Variants in STARD13 observed in about 807,000 individuals in gnomAD.
STARD13 encodes stAR-related lipid transfer protein 13.
A neutral mutation model predicts 106.4 loss-of-function variants in STARD13; 62 were observed. The ratio of observed to expected loss-of-function variants is 0.58; its 90% confidence interval spans 0.48 to 0.72. The LOEUF (loss-of-function observed/expected upper bound fraction) is 0.72, where lower values mean the gene tolerates loss of function less well. Among genes scored for constraint, STARD13 ranks in the 30% least tolerant of loss-of-function variants. The pLI, the probability that STARD13 is intolerant of heterozygous loss-of-function variation, is 0.00. For synonymous variants in STARD13, 565 were observed against 553.0 expected, an observed-to-expected ratio of 1.02 and a Z score of -0.31; for missense variants, 1,387 against 1,424.0, an observed-to-expected ratio of 0.97 and a Z score of 0.42.
In STARD13 at chr13:33,118,141, C is replaced by T. The variant is rs775072659; in HGVS notation, c.2205G>A (p.Val735=). 4.3e-6 allele frequency: 7 copies of T among 1,614,218 alleles called. No individual in the cohort carries two copies. In the Middle Eastern group the frequency reaches 4.9e-4, roughly 114 times the overall value. The part of the protein sequence containing the change: ...DQSAYDVADM[V]KQFFRDLPEP... ...CAGGGAGGTCCCGGAAGAACTGTTT[C>T]ACCATATCCGCCACATCATAAGCAG... The change falls in exon 8 of 14, where the codon GTG becomes GTA. Residue 735 remains valine, a synonymous_variant. Coordinates refer to ENST00000336934, the MANE Select transcript of STARD13 (RefSeq NM_178006.4).
At chr13:33,148,643 C>T (rs950606766) in intron 3 of STARD13, among the ~76,000 whole-genome samples, 1 of 152,140 alleles carries the variant, frequency 6.6e-6, no homozygotes, top group African/African-American at 2.4e-5. Context: ...AATGGTATGG[C>T]CACATTGGAA....
At chr13:33,543,273 C>T in the STARD13 span, among the ~76,000 whole-genome samples, 2 of 152,068 alleles carry the variant, frequency 1.3e-5, no homozygotes, top group African/African-American at 4.8e-5. Context: ...TATTAAAGCG[C>T]TGTTGTAAAA....
chr13:33,491,632 C>T, the STARD13 span, among the ~76,000 whole-genome samples: 1 of 152,068 alleles, frequency 6.6e-6, no homozygotes, highest in Non-Finnish European at 1.5e-5. Flanking sequence ...AACCACTTCT[C>T]ATAAAAAAAT....
intron 3 of STARD13, among the ~76,000 whole-genome samples, chr13:33,146,659 C>T (rs1295284902): frequency 6.6e-6 from 1 of 152,016 alleles, no homozygotes. Context: ...AAGTGAAAAC[C>T]TCCAAAACCC....
intron 6 of STARD13, 118 bp from the exon 7 acceptor site, chr13:33,126,358 G>A: frequency 1.1e-6 from 1 of 937,274 alleles, no homozygotes; most frequent in Non-Finnish European, 1.7e-6. Flanking sequence ...GATGCGGGGT[G>A]AATTCAACAT....
chr13:33,470,963 A>G, the STARD13 span, among the ~76,000 whole-genome samples: 2 of 152,106 alleles, frequency 1.3e-5, no homozygotes, highest in Non-Finnish European at 2.9e-5. Context: ...TTTTGTTGCC[A>G]TTGCTTTTGG....
At chr13:33,405,818 G>T in the STARD13 span, among the ~76,000 whole-genome samples, 1 of 152,118 alleles carries the variant, frequency 6.6e-6, no homozygotes, top group African/African-American at 2.4e-5. Context: ...TATCCCAACC[G>T]TAAACTCCAC....
the STARD13 span, among the ~76,000 whole-genome samples, chr13:33,397,208 T>C: frequency 3.3e-5 from 5 of 152,218 alleles, no homozygotes; most frequent in South Asian, 2.1e-4. Context: ...TAAACAGACA[T>C]TGACTGCATT....
At chr13:33,231,316 C>A (rs1888908414) in intron 1 of STARD13, among the ~76,000 whole-genome samples, 1 of 152,152 alleles carries the variant, frequency 6.6e-6, no homozygotes, top group South Asian at 2.1e-4. Context: ...TCTCACTGTG[C>A]CATACATTGC....
At chr13:33,657,905 T>C in the STARD13 span, among the ~76,000 whole-genome samples, 1,666 of 152,360 alleles carry the variant, frequency 0.011, 33 homozygotes, top group African/African-American at 0.038. Flanking sequence ...TTTTTGACTG[T>C]GGCAAAATAT....
the STARD13 span, among the ~76,000 whole-genome samples, chr13:33,376,292 G>A: frequency 6.6e-6 from 1 of 152,162 alleles, no homozygotes; most frequent in Non-Finnish European, 1.5e-5. Context: ...CTGTTCTAAA[G>A]TGCTGAGGAT....
At chr13:33,328,118 C>T (rs1201694484) in intron 1 of STARD13, among the ~76,000 whole-genome samples, 2 of 152,150 alleles carry the variant, frequency 1.3e-5, no homozygotes, top group Non-Finnish European at 2.9e-5. Flanking sequence ...AATTAATATA[C>T]TTGAGTGTGA....
chr13:33,119,028 T>G (rs1279079995), intron 7 of STARD13, among the ~76,000 whole-genome samples: 1 of 151,896 alleles, frequency 6.6e-6, no homozygotes, highest in Non-Finnish European at 1.5e-5. Flanking sequence ...CCCTACTTGA[T>G]GAATAAATGG....
chr13:33,220,301 C>G (rs936952183), intron 1 of STARD13, among the ~76,000 whole-genome samples: 2 of 152,150 alleles, frequency 1.3e-5, no homozygotes, highest in East Asian at 1.9e-4. Context: ...ATGGAAATAA[C>G]TCTAATTATT....
chr13:33,173,628 T>A (rs1884212860), intron 1 of STARD13, among the ~76,000 whole-genome samples: 2 of 152,346 alleles, frequency 1.3e-5, no homozygotes, highest in East Asian at 1.9e-4. Flanking sequence ...TTTTTCCTAA[T>A]ATTCATAACA....
At chr13:33,350,753 C>T, upstream of STARD13, 2 of 812,870 alleles carry the variant, frequency 2.5e-6, no homozygotes, top group Non-Finnish European at 3.0e-6. Context: ...GCCTCGCGCC[C>T]CACTCCTTCC....
the STARD13 span, among the ~76,000 whole-genome samples, chr13:33,523,312 T>C: frequency 6.6e-6 from 1 of 152,180 alleles, no homozygotes; most frequent in Non-Finnish European, 1.5e-5. Context: ...ATTGTTGATT[T>C]ACCTTAACCC....
the STARD13 span, among the ~76,000 whole-genome samples, chr13:33,449,382 T>C: frequency 6.6e-6 from 1 of 152,222 alleles, no homozygotes; most frequent in African/African-American, 2.4e-5. Context: ...TTTTGTATTT[T>C]TGGCAACTTT....
chr13:33,327,437 A>G (rs1245134903), intron 1 of STARD13, among the ~76,000 whole-genome samples: 1 of 152,170 alleles, frequency 6.6e-6, no homozygotes, highest in Non-Finnish European at 1.5e-5. Flanking sequence ...TGGCACAATC[A>G]TAGCTCACTG....
Sources: allele counts gnomAD v4.1 joint callset (sites outside exome capture counted in the v4.1 genomes callset), GRCh38; gene constraint gnomAD v4.1.1; transcripts MANE v1.5; gene names NCBI Gene and HGNC (gene_info 2026-07-23, HGNC 2026-07-21).